ERN1: variants seen among roughly 807,000 people sequenced by gnomAD.
The protein encoded by ERN1 is serine/threonine-protein kinase/endoribonuclease IRE1.
A neutral mutation model predicts 113.1 loss-of-function variants in ERN1; 39 were observed. The observed-to-expected ratio is 0.34, with a 90% CI of 0.27 to 0.45. The LOEUF (loss-of-function observed/expected upper bound fraction) is 0.45. Among genes scored for constraint, ERN1 ranks in the 20% least tolerant of loss-of-function variants. The pLI, the probability that ERN1 is intolerant of heterozygous loss-of-function variation, is 1.00. For synonymous variants in ERN1, 507 were observed against 515.9 expected (o/e 0.98, Z 0.23); for missense variants, 976 against 1,274.8 (o/e 0.77, Z 3.57).
intron 17 of ERN1, among the ~76,000 whole-genome samples, chr17:64,051,327 T>C (rs750077149): frequency 3.3e-4 from 51 of 152,330 alleles, no homozygotes; most frequent in Non-Finnish European, 4.6e-4. Context: ...ATATTCACAT[T>C]GTGCTGAAGT....
At chr17:64,081,609 T>C (rs190813255) in intron 2 of ERN1, among the ~76,000 whole-genome samples, 56 of 152,338 alleles carry the variant, frequency 3.7e-4, no homozygotes, top group African/African-American at 1.3e-3. Context: ...GGCTTCAATG[T>C]ACCTAATTAG....
intron 2 of ERN1, among the ~76,000 whole-genome samples, chr17:64,087,671 G>A (rs1913974900): frequency 6.6e-6 from 1 of 152,048 alleles, no homozygotes; most frequent in Admixed American, 6.6e-5. Flanking sequence ...TTACTTTGGG[G>A]TATGTATAAA....
intron 2 of ERN1, among the ~76,000 whole-genome samples, chr17:64,081,851 G>A (rs765580410): frequency 6.6e-6 from 1 of 152,206 alleles, no homozygotes; most frequent in Non-Finnish European, 1.5e-5. Flanking sequence ...AGGGGCAGAT[G>A]GTGGTGGCAG....
intron 4 of ERN1, 106 bp downstream of exon 4, chr17:64,079,556 T>C: frequency 6.9e-6 from 6 of 868,718 alleles, no homozygotes; most frequent in Non-Finnish European, 1.1e-5. Flanking sequence ...CCAGGGGTTG[T>C]TTTTAAAAGC....
chr17:64,103,855 C>CA (rs1914450816), intron 1 of ERN1, among the ~76,000 whole-genome samples: 2 of 152,132 alleles, frequency 1.3e-5, no homozygotes, highest in Non-Finnish European at 2.9e-5. Flanking sequence ...TGGCCTCTAA[C>CA]AAAAAACCAC....
chr17:64,054,827 A>C lies in ERN1; in HGVS notation c.1674T>G (p.Asp558Glu), dbSNP rs781709752. ...SSPSLEQDDG[D>E]EETSVVIVGK... ...CAACTATCACCACGCTGGTTTCCTC[A>C]TCTGGGACAAAATAGGAAAAAGAGA... Residue 558 changes from aspartate (D) to glutamate (E), a missense_variant and splice_region_variant, in exon 14 of 22, where the codon GAT (aspartate) becomes GAG (glutamate). This residue lies in a region of ERN1 where 112 missense variants were observed against 106.2 expected (regional missense o/e 1.05). Coordinates refer to ENST00000433197, the MANE Select transcript of ERN1 (RefSeq NM_001433.5). This position sits in a 1 kb window ranked among gnomAD's most constrained non-coding sequence, Gnocchi z 4.9. The C allele has an allele frequency of 1.2e-4, 185 of 1,602,728 alleles. 1 individual carries two copies. The highest frequency in any genetic ancestry group is 1.5e-4 in the Non-Finnish European group (173 of 1,173,610).
intron 1 of ERN1, among the ~76,000 whole-genome samples, chr17:64,109,133 T>G (rs1268247224): frequency 6.9e-6 from 1 of 144,780 alleles, no homozygotes; most frequent in South Asian, 2.2e-4. Flanking sequence ...TCAAAAAAAA[T>G]AGAAAAAAAA....
intron 5 of ERN1, among the ~76,000 whole-genome samples, chr17:64,074,848 C>G (rs1467714424): frequency 2.0e-5 from 3 of 152,212 alleles, no homozygotes; most frequent in African/African-American, 7.2e-5. Context: ...GCTTTCCTTC[C>G]TTGGCTTAGA....
chr17:64,065,380 G>T, intron 8 of ERN1, 93 bp from the exon 9 acceptor site: 1 of 890,036 alleles, frequency 1.1e-6, no homozygotes, highest in Non-Finnish European at 1.7e-6. Flanking sequence ...CACCCGCAGG[G>T]ATGACCACAT....
At chr17:64,098,475 G>A (rs1417454633) in intron 1 of ERN1, 1 of 707,130 alleles carries the variant, frequency 1.4e-6, no homozygotes, top group Non-Finnish European at 2.6e-6. Flanking sequence ...AACATTACAA[G>A]GACAAGAATT....
chr17:64,127,176 T>C (rs1158342008), intron 1 of ERN1, among the ~76,000 whole-genome samples: 1 of 152,156 alleles, frequency 6.6e-6, no homozygotes, highest in Non-Finnish European at 1.5e-5. Context: ...GCCTAAAGTC[T>C]CAACTCATAA....
chr17:64,128,986 A>T (rs1915155879), intron 1 of ERN1: 2 of 152,192 alleles, frequency 1.3e-5, no homozygotes. Context: ...CCTATTAAAG[A>T]GTACACAGTA....
chr17:64,057,987 T>C lies in ERN1; in HGVS notation c.1213A>G (p.Asn405Asp). Residue 405 changes from asparagine to aspartate, a missense_variant, in exon 12 of 22, where the codon AAC (asparagine) becomes GAC (aspartate). Physicochemically the swap from Asn to Asp is conservative, Grantham distance 23. Coordinates refer to ENST00000433197, the MANE Select transcript of ERN1 (RefSeq NM_001433.5). ...TTTTCTGAAGTCTGGTCAACCAGGT[T>C]GATAACCTTGCATGGGAGAGAGTTG... ...SEKKSFEEVI[N>D]LVDQTSENAP... The C allele has an allele frequency of 1.3e-6, 2 of 1,559,688 alleles. No individual in the cohort carries two copies. Among genetic ancestry groups the C allele is most frequent in the Non-Finnish European group, 1.7e-6 (2 of 1,152,320 alleles).
At chr17:64,056,635 T>G (rs1912879809) in intron 12 of ERN1, among the ~76,000 whole-genome samples, 2 of 152,176 alleles carry the variant, frequency 1.3e-5, no homozygotes, top group Admixed American at 6.5e-5. Context: ...TGATCATCCC[T>G]ACCCATGTGC....
At chr17:64,126,953 C>T (rs554161934) in intron 1 of ERN1, among the ~76,000 whole-genome samples, 13 of 152,190 alleles carry the variant, frequency 8.5e-5, no homozygotes, top group African/African-American at 3.1e-4. Flanking sequence ...TCACATTGTA[C>T]TGATCTCTTT....
chr17:64,112,280 A>G (rs2143484560), intron 1 of ERN1, among the ~76,000 whole-genome samples: 1 of 152,076 alleles, frequency 6.6e-6, no homozygotes, highest in Middle Eastern at 3.4e-3. Flanking sequence ...AGGCAGGAGA[A>G]TCACTTGAAC....
At chr17:64,075,078 A>G in intron 5 of ERN1, 97 bp downstream of exon 5, 1 of 1,004,796 alleles carries the variant, frequency 1.0e-6, no homozygotes, top group Non-Finnish European at 1.5e-6. Flanking sequence ...AAGGGTTGGC[A>G]AGGCGGTGAC....
intron 1 of ERN1, among the ~76,000 whole-genome samples, chr17:64,104,966 A>G (rs1914485195): frequency 1.3e-5 from 2 of 152,108 alleles, no homozygotes; most frequent in South Asian, 4.1e-4. Context: ...TCTCTGCTCC[A>G]TTTACAAAAC....
At position 64,045,485 on chromosome 17, in the gene ERN1, G is replaced by A. The variant is rs763806681; in HGVS notation, c.2530-3C>T. The A allele has an allele frequency of 1.2e-6, 2 of 1,613,804 alleles. No individual in the cohort carries two copies. Among genetic ancestry groups the A allele is most frequent in the Non-Finnish European group, 1.7e-6 (2 of 1,179,856 alleles). On this transcript the variant is annotated splice_region_variant and splice_polypyrimidine_tract_variant and intron_variant, in intron 19 of 21. Coordinates refer to ENST00000433197, the MANE Select transcript of ERN1 (RefSeq NM_001433.5). The stretch of plus-strand genomic sequence containing the variant: ...TTTTCTATTCTGTCGCTCACGTCCT[G>A]TGAGAGAAACAAGGGCAGCAGATGA...
Sources: allele counts gnomAD v4.1 joint callset (sites outside exome capture counted in the v4.1 genomes callset), GRCh38; gene constraint gnomAD v4.1.1; regional missense constraint gnomAD v4.1.1; non-coding constraint Gnocchi (gnomAD v3.1); transcripts MANE v1.5; gene names NCBI Gene and HGNC (gene_info 2026-07-23, HGNC 2026-07-21).